SLC2A9: variants seen among roughly 807,000 people sequenced by gnomAD.
SLC2A9 encodes the protein solute carrier family 2, facilitated glucose transporter member 9.
A neutral mutation model predicts 50.6 loss-of-function variants in SLC2A9; 39 were observed. That is an observed-to-expected ratio of 0.77 (90% CI 0.60 to 1.01). The LOEUF is 1.01. SLC2A9 is among the 50% of genes least tolerant of loss of function. SLC2A9 has a pLI of 0.00. For synonymous variants in SLC2A9, 324 were observed against 276.9 expected, an observed-to-expected ratio of 1.17 and a Z score of -1.69; for missense variants, 686 against 677.6, an observed-to-expected ratio of 1.01 and a Z score of -0.14.
intron 3 of SLC2A9, among the ~76,000 whole-genome samples, chr4:9,800,570 T>A (rs1577321201): frequency 6.6e-6 from 1 of 152,170 alleles, no homozygotes; most frequent in East Asian, 1.9e-4. Context: ...AGAAAATACT[T>A]TTGTGTTGTT....
At chr4:9,782,377 G>C in intron 3 of SLC2A9, 1 of 1,614,044 alleles carries the variant, frequency 6.2e-7, no homozygotes, top group South Asian at 1.1e-5. Flanking sequence ...GCGACGTCTG[G>C]GTGGCCTTCG....
chr4:9,975,174 T>C (rs1408220219), intron 5 of SLC2A9, among the ~76,000 whole-genome samples: 1 of 152,122 alleles, frequency 6.6e-6, no homozygotes, highest in Non-Finnish European at 1.5e-5. Flanking sequence ...CTAGGAAATA[T>C]CATTCTGGAC....
At chr4:9,854,298 A>G (rs1490627710) in intron 10 of SLC2A9, among the ~76,000 whole-genome samples, 1 of 152,186 alleles carries the variant, frequency 6.6e-6, no homozygotes, top group Non-Finnish European at 1.5e-5. Context: ...TGACAAAGAG[A>G]CATTATCACT....
At chr4:9,981,950 C>T (rs1442396426) in intron 4 of SLC2A9, among the ~76,000 whole-genome samples, 1 of 151,570 alleles carries the variant, frequency 6.6e-6, no homozygotes, top group Non-Finnish European at 1.5e-5. Flanking sequence ...GGCTTGATCT[C>T]GGCTCACCAC....
At chr4:10,022,506 T>C (rs1473855670), upstream of SLC2A9, among the ~76,000 whole-genome samples, 1 of 152,176 alleles carries the variant, frequency 6.6e-6, no homozygotes, top group Non-Finnish European at 1.5e-5. Context: ...TGGGAATCAG[T>C]TCATCACATG....
downstream of SLC2A9, among the ~76,000 whole-genome samples, chr4:9,825,261 A>T (rs769295368): frequency 1.3e-5 from 2 of 152,210 alleles, no homozygotes; most frequent in African/African-American, 2.4e-5. Flanking sequence ...ATCTTACTCA[A>T]ACAACTTTAG....
At chr4:9,852,354 G>A (rs1044799740) in intron 10 of SLC2A9, among the ~76,000 whole-genome samples, 139 of 151,572 alleles carry the variant, frequency 9.2e-4, no homozygotes, top group African/African-American at 2.7e-3. Flanking sequence ...CCGGGTTCAC[G>A]CCATTCTCCT....
At chr4:9,786,455 C>T (rs1166618182) in intron 3 of SLC2A9, among the ~76,000 whole-genome samples, 1 of 152,180 alleles carries the variant, frequency 6.6e-6, no homozygotes. Flanking sequence ...GTTTTTTGTT[C>T]ATTTATTACT....
chr4:9,775,890 C>T (rs918639333), downstream of SLC2A9, among the ~76,000 whole-genome samples: 4 of 152,180 alleles, frequency 2.6e-5, no homozygotes, highest in African/African-American at 9.7e-5. Context: ...GGGCCTTCTC[C>T]ATCTGTAGCT....
intron 11 of SLC2A9, 147 bp downstream of exon 11, chr4:9,834,734 C>G: frequency 7.6e-7 from 1 of 1,322,946 alleles, no homozygotes; most frequent in East Asian, 2.5e-5. Flanking sequence ...AAGGTTTTGC[C>G]CAAAGCATAG....
At chr4:9,900,672 AGTTT>A (rs1739433484) in intron 8 of SLC2A9, among the ~76,000 whole-genome samples, 1 of 152,184 alleles carries the variant, frequency 6.6e-6, no homozygotes, top group Non-Finnish European at 1.5e-5. Flanking sequence ...AAGACTGGGT[AGTTT>A]ACAAAGGAAA....
intron 10 of SLC2A9, among the ~76,000 whole-genome samples, chr4:9,867,624 C>T (rs1010050244): frequency 6.6e-6 from 1 of 152,158 alleles, no homozygotes; most frequent in African/African-American, 2.4e-5. Flanking sequence ...AGCCCCTTTC[C>T]CTCGCCCCAT....
At chr4:9,826,059 TATTTCCCCA>T (rs199527634), downstream of SLC2A9, among the ~76,000 whole-genome samples, 1,015 of 152,276 alleles carry the variant, frequency 6.7e-3, 11 homozygotes, top group African/African-American at 0.024. Flanking sequence ...ATTAACCTAC[TATTTCCCCA>T]ATTTCATTTT....
intron 5 of SLC2A9, among the ~76,000 whole-genome samples, chr4:9,980,197 G>T (rs961619860): frequency 6.6e-6 from 1 of 152,142 alleles, no homozygotes; most frequent in African/African-American, 2.4e-5. Context: ...CTAAGCTAAC[G>T]TCTTGAAAAG....
At chr4:9,866,766 T>G (rs1157199313) in intron 10 of SLC2A9, among the ~76,000 whole-genome samples, 7 of 152,180 alleles carry the variant, frequency 4.6e-5, no homozygotes, top group Admixed American at 4.6e-4. Context: ...ACTCGCTTCA[T>G]GTATGTTGTC....
At chr4:9,772,087 T>C (rs756807737) in intron 1 of SLC2A9, among the ~76,000 whole-genome samples, 3 of 152,192 alleles carry the variant, frequency 2.0e-5, no homozygotes, top group African/African-American at 7.2e-5. Context: ...ATAGGGAGTA[T>C]GAAGAACACT....
At position 9,920,546 on chromosome 4, in the gene SLC2A9, C is replaced by G. The variant is rs73225891; in HGVS notation, c.841G>C (p.Asp281His). Residue 281 changes from aspartate (D) to histidine (H), a missense_variant, in exon 7 of 12, where the codon GAC (aspartate) becomes CAC (histidine). By Grantham distance (81) the Asp-to-His change is moderately conservative (BLOSUM62 -1). Transcript: ENST00000264784. ...KAFQTFLGKA[D>H]VSQEVEEVLA... ...ACCTCCTCTACCTCTTGGGAAACGT[C>G]TGCTTTACCCAAGAACGTTTGGAAG... 38,206 of 1,614,140 alleles carry G rather than the reference C, an allele frequency of 0.024. 568 individuals are homozygous for G. The highest frequency in any genetic ancestry group is 0.028 in the Non-Finnish European group (32,525 of 1,180,030).
chr4:9,845,604 G>A (rs938058072), intron 10 of SLC2A9, among the ~76,000 whole-genome samples: 27 of 149,660 alleles, frequency 1.8e-4, no homozygotes, highest in African/African-American at 6.4e-4. Context: ...TAATTTTTTT[G>A]TATTTTTAGT....
At chr4:9,860,370 G>A (rs1228603880) in intron 10 of SLC2A9, among the ~76,000 whole-genome samples, 13 of 152,222 alleles carry the variant, frequency 8.5e-5, no homozygotes, top group Non-Finnish European at 1.8e-4. Context: ...GTGGTGAAGC[G>A]ACAGACCTGG....
Sources: gnomAD v4.1 joint callset for allele counts (sites outside exome capture counted in the v4.1 genomes callset) on GRCh38, gnomAD v4.1.1 for gene constraint, MANE v1.5 for transcripts, NCBI Gene and HGNC (gene_info 2026-07-23, HGNC 2026-07-21) for gene names.